Variants in WNK1 observed in about 807,000 individuals in gnomAD.
WNK1 encodes WNK lysine deficient protein kinase 1.
A neutral mutation model predicts 222.8 loss-of-function variants in WNK1; 38 were observed. The observed-to-expected ratio is 0.17, with a 90% CI of 0.13 to 0.22. The LOEUF (loss-of-function observed/expected upper bound fraction) is 0.22, where lower values mean the gene tolerates loss of function less well. Among genes scored for constraint, WNK1 ranks in the 10% least tolerant of loss-of-function variants. The probability of loss-of-function intolerance (pLI) is 1.00; values close to 1 mark genes in which losing one functional copy is unlikely to be tolerated. For missense variants in WNK1, 2,348 were observed against 2,918.4 expected (o/e 0.80, Z 4.50); for synonymous variants, 1,090 against 1,092.9 (o/e 1.00, Z 0.05).
intron 1 of WNK1, among the ~76,000 whole-genome samples, chr12:799,149 A>T (rs948773918): frequency 2.6e-5 from 4 of 152,086 alleles, no homozygotes; most frequent in Non-Finnish European, 5.9e-5. Context: ...TTTGAGACAG[A>T]GTCTTGCTCT....
chr12:874,134 C>T (rs1952407257), intron 9 of WNK1, among the ~76,000 whole-genome samples: 1 of 150,494 alleles, frequency 6.6e-6, no homozygotes, highest in African/African-American at 2.4e-5. Flanking sequence ...CCAGCCTGGG[C>T]AACAGAGCAT....
rs2154095856 is a variant in WNK1 at position 897,471 on chromosome 12, T to C, written c.6246-8T>C. On this transcript the variant is annotated splice_region_variant and splice_polypyrimidine_tract_variant and intron_variant, in intron 24 of 27. Transcript: ENST00000315939. ...GTATTTTGAATTATGTTTGGTTATC[T>C]TTCACAGACATCTCAAAGAGATTCA... 1.3e-6 allele frequency: 2 copies of C among 1,542,070 alleles called. No individual in the cohort carries two copies. Among genetic ancestry groups the C allele is most frequent in the East Asian group, 4.5e-5 (2 of 44,516 alleles).
intron 11 of WNK1, 26 bp downstream of exon 11, chr12:880,057 G>A (rs892306953): frequency 5.0e-6 from 8 of 1,605,088 alleles, no homozygotes; most frequent in Non-Finnish European, 6.8e-6. Flanking sequence ...GCAAAAGAGG[G>A]CACCACAGAG....
chr12:766,265 A>G (rs1429675960), intron 1 of WNK1, among the ~76,000 whole-genome samples: 2 of 152,200 alleles, frequency 1.3e-5, no homozygotes, highest in African/African-American at 4.8e-5. Flanking sequence ...TATGTATGTA[A>G]ATAAAAATTA....
intron 2 of WNK1, among the ~76,000 whole-genome samples, chr12:825,805 C>T (rs1172196597): frequency 6.6e-6 from 1 of 151,982 alleles, no homozygotes; most frequent in Non-Finnish European, 1.5e-5. Flanking sequence ...TATAGATTTT[C>T]CTTTAACCAA....
At chr12:815,598 A>G (rs1320718812) in intron 2 of WNK1, among the ~76,000 whole-genome samples, 1 of 152,240 alleles carries the variant, frequency 6.6e-6, no homozygotes, top group East Asian at 1.9e-4. Flanking sequence ...TACTATGAAC[A>G]AGTGCTAGAT....
At chr12:874,385 T>C (rs1952433140) in intron 9 of WNK1, among the ~76,000 whole-genome samples, 2 of 152,088 alleles carry the variant, frequency 1.3e-5, no homozygotes, top group Non-Finnish European at 2.9e-5. Flanking sequence ...CTCTAAGATG[T>C]AACATTAACC....
chr12:785,926 C>G (rs1451320375), intron 1 of WNK1, among the ~76,000 whole-genome samples: 1 of 152,112 alleles, frequency 6.6e-6, no homozygotes, highest in Non-Finnish European at 1.5e-5. Context: ...CTGTACTGTT[C>G]TGGCATCTTA....
intron 26 of WNK1, among the ~76,000 whole-genome samples, chr12:904,992 G>C (rs1415958907): frequency 6.6e-6 from 1 of 152,218 alleles, no homozygotes; most frequent in African/African-American, 2.4e-5. Flanking sequence ...GTTGTAGGTA[G>C]GGTCAACAGG....
chr12:880,801 C>T lies in WNK1; in HGVS notation c.2913C>T (p.Ile971=). Residue 971 remains isoleucine (I), a synonymous_variant, in exon 12 of 28, where the codon ATC becomes ATT. Transcript: ENST00000315939. The stretch of plus-strand genomic sequence containing the variant: ...CTTCCAACGTGGCTTCTGTTTGCAT[C>T]CATTCTACAGTCCTATCCCCTCCCA... ...APSSNVASVC[I]HSTVLSPPMP... is the part of the protein sequence containing the mutation. The T allele has an allele frequency of 6.2e-7, 1 of 1,614,102 alleles. No homozygotes were observed. The highest frequency in any genetic ancestry group is 8.5e-7 in the Non-Finnish European group (1 of 1,180,018).
chr12:807,327 T>C (rs1017740051), intron 1 of WNK1, among the ~76,000 whole-genome samples: 2 of 145,200 alleles, frequency 1.4e-5, no homozygotes, highest in African/African-American at 2.6e-5. Flanking sequence ...GATTAATGAG[T>C]CCTCCCTCTT....
chr12:817,587 A>C (rs1947465205), intron 2 of WNK1, among the ~76,000 whole-genome samples: 1 of 152,164 alleles, frequency 6.6e-6, no homozygotes, highest in African/African-American at 2.4e-5. Flanking sequence ...GTATATTTAC[A>C]TTGAAACAGA....
rs765382390 is a variant in WNK1, at chr12:900,557, G to A, written c.6530G>A (p.Gly2177Glu). 4 of 1,614,114 alleles carry A rather than the reference G, an allele frequency of 2.5e-6. No individual in the cohort carries two copies. In the South Asian group the frequency reaches 4.4e-5, roughly 18 times the overall value. The change falls in exon 26 of 28, where the codon GGG (glycine) becomes GAG (glutamate). Residue 2177 changes from glycine to glutamate, a missense_variant. By Grantham distance (98) the Gly-to-Glu change is moderately conservative. Coordinates refer to ENST00000315939, the MANE Select transcript of WNK1 (RefSeq NM_018979.4). ...LHPPGNIPES[G>E]QNQLLQPLKP... ...CCTCCTGGCAACATCCCAGAGTCCG[G>A]GCAGAATCAGCTGTTACAGCCCCTT...
intron 1 of WNK1, among the ~76,000 whole-genome samples, chr12:799,099 C>A (rs1302257372): frequency 3.3e-5 from 5 of 151,996 alleles, no homozygotes; most frequent in African/African-American, 1.2e-4. Context: ...CATTATTTTG[C>A]AAGCTTTCAT....
rs1344690053 is a variant in WNK1, at chr12:907,720, G to C, written c.6644-127G>C. On this transcript the variant is annotated intron_variant, in intron 26 of 27. Coordinates refer to ENST00000315939, the MANE Select transcript of WNK1 (RefSeq NM_018979.4). ...ACAAAACCTTGGAATCTTCCCTCTTGCATGGCTTCCCAGTTCATCCTCTTC... is the reference window on the plus strand; with the variant it reads ...ACAAAACCTTGGAATCTTCCCTCTTCCATGGCTTCCCAGTTCATCCTCTTC... 3 of 1,163,880 alleles carry C rather than the reference G, an allele frequency of 2.6e-6. No homozygotes were observed. In the African/African-American group the frequency reaches 4.5e-5, roughly 18 times the overall value. 72.1% of individuals were successfully genotyped at this position (1,163,880 alleles called of 1,614,324 possible).
intron 4 of WNK1, among the ~76,000 whole-genome samples, chr12:838,861 A>G (rs543581415): frequency 1.2e-3 from 182 of 152,286 alleles, no homozygotes; most frequent in African/African-American, 4.3e-3. Context: ...ACCACAACAT[A>G]TCTTTTTGAG....
intron 1 of WNK1, among the ~76,000 whole-genome samples, chr12:804,918 A>ATG (rs369098520): frequency 0.74 from 108,377 of 146,530 alleles, 40,212 homozygotes; most frequent in East Asian, 0.87. Flanking sequence ...TTTTATATAT[A>ATG]TAATTAATAT....
intron 1 of WNK1, among the ~76,000 whole-genome samples, chr12:780,150 C>G (rs930388909): frequency 6.6e-6 from 1 of 152,198 alleles, no homozygotes; most frequent in African/African-American, 2.4e-5. Flanking sequence ...CTGTGATAAT[C>G]TGCCCCATCT....
Position 910,283 on chromosome 12 carries a change from A to T in WNK1, c.*1491A>T, listed in dbSNP as rs781379950. 2.3e-5 allele frequency: 3 copies of T among 128,788 alleles called. No homozygotes were observed. The highest frequency in any genetic ancestry group is 5.3e-5 in the African/African-American group (2 of 37,560). The allele number at this position is 128,788 out of a possible 1,614,324, so 8.0% of individuals were successfully genotyped here. ...GGGGTACTACATTTTGTGGAAAGTTAATCTATCTATCTTTCCACATCTGAA... is the reference window on the plus strand; with the variant it reads ...GGGGTACTACATTTTGTGGAAAGTTTATCTATCTATCTTTCCACATCTGAA... On this transcript the variant is annotated 3_prime_UTR_variant, in exon 28 of 28. Transcript: ENST00000315939.
Sources: gnomAD v4.1 joint callset for allele counts (sites outside exome capture counted in the v4.1 genomes callset) on GRCh38, gnomAD v4.1.1 for gene constraint, MANE v1.5 for transcripts, NCBI Gene and HGNC (gene_info 2026-07-23, HGNC 2026-07-21) for gene names.